The following AMPH variants were observed in gnomAD, a reference collection of about 807,000 sequenced individuals.
AMPH encodes amphiphysin (Stiff-Mann syndrome with breast cancer 128kD autoantigen).
AMPH carries 49 observed loss-of-function variants against 99.1 expected under a neutral mutation model. The ratio of observed to expected loss-of-function variants is 0.49; its 90% CI spans 0.39 to 0.63. The LOEUF is 0.63. Ranked by LOEUF, AMPH falls within the 20% of genes least tolerant of loss-of-function variation. AMPH has a pLI of 0.00. For missense variants in AMPH, 759 were observed against 863.4 expected, an observed-to-expected ratio of 0.88 and a Z score of 1.52; for synonymous variants, 314 against 317.3, an observed-to-expected ratio of 0.99 and a Z score of 0.11.
At chr7:38,621,028 A>G (rs1048148707) in intron 1 of AMPH, among the ~76,000 whole-genome samples, 1 of 152,230 alleles carries the variant, frequency 6.6e-6, no homozygotes, top group African/African-American at 2.4e-5. Flanking sequence ...CAGTGTCTGC[A>G]GTCAATTCTC....
chr7:38,406,731 C>CCTCTCTCTCTCTCTCTCT (rs56738810), intron 17 of AMPH, among the ~76,000 whole-genome samples: 48 of 80,486 alleles, frequency 6.0e-4, no homozygotes, highest in African/African-American at 1.8e-3. Context: ...TCTCCCTTTC[C>CCTCTCTCTCTCTCTCTCT]CTCTCTCTCT....
chr7:38,537,190 T>C (rs560445496), intron 1 of AMPH, among the ~76,000 whole-genome samples: 18 of 152,254 alleles, frequency 1.2e-4, no homozygotes, highest in African/African-American at 1.7e-4. Context: ...TCAAAAAATA[T>C]TGATAAGCAA....
intron 11 of AMPH, among the ~76,000 whole-genome samples, chr7:38,452,466 T>C (rs922584947): frequency 7.2e-5 from 11 of 152,350 alleles, no homozygotes; most frequent in African/African-American, 2.6e-4. Flanking sequence ...ATTGTCTGGA[T>C]GATACAGTTC....
chr7:38,482,453 T>C (rs941401529), intron 5 of AMPH, among the ~76,000 whole-genome samples: 1 of 152,134 alleles, frequency 6.6e-6, no homozygotes, highest in African/African-American at 2.4e-5. Context: ...CTTTCTGACA[T>C]GGAATAAACT....
chr7:38,594,241 AAGG>A (rs1004300756), intron 1 of AMPH, among the ~76,000 whole-genome samples: 1 of 152,184 alleles, frequency 6.6e-6, no homozygotes, highest in Non-Finnish European at 1.5e-5. Flanking sequence ...GCAAGAAAGA[AAGG>A]AGTTTAGAGT....
chr7:38,406,722 CTCCCTTTCCCTCTCTCTCT>C lies in AMPH; in HGVS notation c.1398+11084_1398+11102del, dbSNP rs1785002175. ...GAGTTCTCTCTCCTCTCCTCTCTCT[CTCCCTTTCCCTCTCTCTCT>C]CTCTCTCTCTCTCTCTCTCTCTCTC... On this transcript the variant is annotated intron_variant, in intron 17 of 20. Transcript: ENST00000356264. Among the ~76,000 whole-genome samples, 17 of 109,836 alleles carry C rather than the reference CTCCCTTTCCCTCTCTCTCT, an allele frequency of 1.5e-4. No individual in the cohort carries two copies. In the South Asian group the frequency reaches 4.7e-3, roughly 30 times the overall value. 72.1% of individuals were successfully genotyped at this position (109,836 alleles called of 152,430 possible).
chr7:38,599,349 G>A (rs578106775), intron 1 of AMPH, among the ~76,000 whole-genome samples: 6 of 152,290 alleles, frequency 3.9e-5, no homozygotes, highest in African/African-American at 1.2e-4. Context: ...CCTACTCAAC[G>A]TGAAGATGTT....
rs1343235720 is a variant in AMPH at position 38,610,265 on chromosome 7, A to G, written c.69+21018T>C. 6.7e-3 allele frequency among the ~76,000 whole-genome samples: 161 copies of G among 24,036 alleles called. 6 individuals carry two copies. Among genetic ancestry groups the G allele is most frequent in the Middle Eastern group, 0.034 (3 of 88 alleles). The allele number at this position is 24,036 out of a possible 152,430, so 15.8% of individuals were successfully genotyped here. On this transcript the variant is annotated intron_variant, in intron 1 of 20. Coordinates refer to ENST00000356264, the MANE Select transcript of AMPH (RefSeq NM_001635.4). ...AAAAAAAAAAAAAAAAAAAAAAAAG[A>G]AAGAAAGAAAGAAAGAAAGAAAGAA...
chr7:38,556,086 C>T (rs946231363), intron 1 of AMPH, among the ~76,000 whole-genome samples: 1 of 151,656 alleles, frequency 6.6e-6, no homozygotes, highest in Non-Finnish European at 1.5e-5. Context: ...TGCACATGTA[C>T]CCCCTGAGTC....
intron 6 of AMPH, among the ~76,000 whole-genome samples, chr7:38,475,896 G>C (rs998008344): frequency 1.3e-5 from 2 of 152,184 alleles, no homozygotes; most frequent in African/African-American, 2.4e-5. Flanking sequence ...GCTAAAGGAG[G>C]GGGTAAGAAA....
At chr7:38,564,123 AT>A (rs1337399036) in intron 1 of AMPH, among the ~76,000 whole-genome samples, 1 of 152,188 alleles carries the variant, frequency 6.6e-6, no homozygotes, top group Non-Finnish European at 1.5e-5. Flanking sequence ...AATCCCTAGC[AT>A]TTTTAATTAA....
chr7:38,409,981 T>A (rs929931263), intron 17 of AMPH, among the ~76,000 whole-genome samples: 16 of 152,238 alleles, frequency 1.1e-4, no homozygotes, highest in Non-Finnish European at 2.2e-4. Context: ...TGTATTGTTC[T>A]CTCTCAGAGA....
At chr7:38,447,785 C>T (rs956120666) in intron 11 of AMPH, among the ~76,000 whole-genome samples, 8 of 148,800 alleles carry the variant, frequency 5.4e-5, no homozygotes, top group Admixed American at 1.3e-4. Flanking sequence ...CACACCCATA[C>T]ACAAAATTTC....
chr7:38,587,361 C>T (rs1396375349), intron 1 of AMPH, among the ~76,000 whole-genome samples: 3 of 152,176 alleles, frequency 2.0e-5, no homozygotes, highest in Non-Finnish European at 4.4e-5. Context: ...TCGATCTAAA[C>T]GTGCTTCAGA....
At chr7:38,618,907 C>T (rs768553879) in intron 1 of AMPH, among the ~76,000 whole-genome samples, 1 of 152,178 alleles carries the variant, frequency 6.6e-6, no homozygotes, top group Non-Finnish European at 1.5e-5. Flanking sequence ...TGTAAATAGA[C>T]TTAATACTCC....
At chr7:38,463,158 G>T (rs1787522392) in intron 9 of AMPH, 45 bp from the exon 10 acceptor site, 1 of 1,613,274 alleles carries the variant, frequency 6.2e-7, no homozygotes, top group South Asian at 1.1e-5. Context: ...CTCAAGAACA[G>T]TATTCATCTA....
intron 1 of AMPH, 117 bp from the exon 2 acceptor site, chr7:38,535,128 C>A: frequency 1.3e-6 from 1 of 795,834 alleles, no homozygotes; most frequent in South Asian, 1.7e-5. Context: ...GCAAAACTAT[C>A]AGCACTTCTA....
chr7:38,410,000 T>C (rs1321739815), intron 17 of AMPH, among the ~76,000 whole-genome samples: 1 of 152,214 alleles, frequency 6.6e-6, no homozygotes, highest in Non-Finnish European at 1.5e-5. Context: ...GATGAGGAGA[T>C]AAGCACATAC....
intron 3 of AMPH, among the ~76,000 whole-genome samples, chr7:38,501,017 T>A (rs1398364809): frequency 6.6e-6 from 1 of 152,190 alleles, no homozygotes; most frequent in African/African-American, 2.4e-5. Flanking sequence ...ATAGATGAAC[T>A]CTGACTTGTG....
Sources: gnomAD v4.1 joint callset for allele counts (sites outside exome capture counted in the v4.1 genomes callset) on GRCh38, gnomAD v4.1.1 for gene constraint, MANE v1.5 for transcripts, NCBI Gene and HGNC (gene_info 2026-07-23, HGNC 2026-07-21) for gene names.